TXLNB: variants seen among roughly 807,000 people sequenced by gnomAD.
TXLNB encodes taxilin beta.
TXLNB carries 37 observed loss-of-function variants against 57.4 expected under a neutral mutation model. The ratio of observed to expected loss-of-function variants is 0.64; its 90% CI spans 0.50 to 0.85. TXLNB has a LOEUF of 0.85. TXLNB is among the 40% of genes least tolerant of loss of function. The pLI, the probability that TXLNB is intolerant of heterozygous loss-of-function variation, is 0.00. For missense variants in TXLNB, 848 were observed against 825.6 expected, an observed-to-expected ratio of 1.03 and a Z score of -0.33; for synonymous variants, 302 against 309.6, an observed-to-expected ratio of 0.98 and a Z score of 0.26.
chr6:139,215,159 C>G, the TXLNB span, among the ~76,000 whole-genome samples: 3 of 152,094 alleles, frequency 2.0e-5, no homozygotes, highest in Admixed American at 6.6e-5. Context: ...AAAAAAAGCC[C>G]GCATTGCCAA....
At chr6:139,298,687 G>A in the TXLNB span, among the ~76,000 whole-genome samples, 1 of 152,164 alleles carries the variant, frequency 6.6e-6, no homozygotes. Context: ...GCCAGCAAGA[G>A]GATGTGAAGG....
chr6:139,191,368 G>A, the TXLNB span, among the ~76,000 whole-genome samples: 2 of 152,212 alleles, frequency 1.3e-5, no homozygotes, highest in Non-Finnish European at 2.9e-5. Flanking sequence ...GCGGTGAGCC[G>A]AGATTGCACC....
At chr6:139,283,154 C>T (rs1339642007) in intron 2 of TXLNB, 1 of 144,162 alleles carries the variant, frequency 6.9e-6, no homozygotes, top group Non-Finnish European at 1.5e-5. Context: ...TAAATATTCC[C>T]CCAACTGCTC....
chr6:139,236,560 C>T (rs1040156620), downstream of TXLNB, among the ~76,000 whole-genome samples: 2 of 152,224 alleles, frequency 1.3e-5, no homozygotes, highest in African/African-American at 2.4e-5. Context: ...GCACCTGCTT[C>T]TCCTTTGCCT....
chr6:139,313,656 G>A, the TXLNB span, among the ~76,000 whole-genome samples: 1,867 of 152,154 alleles, frequency 0.012, 50 homozygotes, highest in African/African-American at 0.041. Flanking sequence ...GTTTATGCTG[G>A]GAAGGTAAAT....
rs898775738 is a variant in TXLNB at position 139,262,757 on chromosome 6, C to T, written c.704G>A (p.Arg235Gln). The change falls in exon 5 of 10, where the codon CGG (arginine) becomes CAG (glutamine). Residue 235 changes from arginine to glutamine, a missense_variant. Arg to Gln is a conservative substitution (Grantham distance 43). Coordinates refer to ENST00000358430, the MANE Select transcript of TXLNB (RefSeq NM_153235.4). ...NKTLKEEALQRAREEEEKRKE... is the reference protein window; with the variant it reads ...NKTLKEEALQQAREEEEKRKE... ...CCTTTTCTCTTCTTCCTCACGTGCCCGCTGAAGCGCCTCTTCCTGCGGATA... is the reference window on the plus strand; with the variant it reads ...CCTTTTCTCTTCTTCCTCACGTGCCTGCTGAAGCGCCTCTTCCTGCGGATA... 6 of 1,613,042 alleles carry T rather than the reference C, an allele frequency of 3.7e-6. No individual in the cohort carries two copies. The African/African-American group carries it at 4.0e-5, about 11-fold the overall frequency.
the TXLNB span, chr6:139,166,337 G>A: frequency 6.2e-7 from 1 of 1,613,648 alleles, no homozygotes; most frequent in Non-Finnish European, 8.5e-7. Flanking sequence ...GGTGGACCTG[G>A]AGAAGGACGA....
At chr6:139,296,360 CT>C (rs1198595534), upstream of TXLNB, among the ~76,000 whole-genome samples, 1 of 151,972 alleles carries the variant, frequency 6.6e-6, no homozygotes, top group African/African-American at 2.4e-5. Context: ...TTATTTTCCC[CT>C]GTCTTTTAGT....
At chr6:139,203,460 T>G in the TXLNB span, 1 of 152,220 alleles carries the variant, frequency 6.6e-6, no homozygotes, top group Non-Finnish European at 1.5e-5. Context: ...TGCTTTTCAT[T>G]TCTTAGCTTA....
chr6:139,277,723 TA>T (rs146555512), intron 2 of TXLNB, among the ~76,000 whole-genome samples: 11,065 of 151,126 alleles, frequency 0.073, 1,270 homozygotes, highest in African/African-American at 0.25. Flanking sequence ...TATGCTACAC[TA>T]AAAAAAAATT....
the TXLNB span, among the ~76,000 whole-genome samples, chr6:139,215,453 T>C: frequency 1.3e-5 from 2 of 152,130 alleles, no homozygotes; most frequent in Non-Finnish European, 2.9e-5. Context: ...ATCCCTTCCT[T>C]ACACCTTATA....
chr6:139,176,767 A>C, the TXLNB span, among the ~76,000 whole-genome samples: 3 of 152,172 alleles, frequency 2.0e-5, no homozygotes, highest in Admixed American at 2.0e-4. This position sits in a 1 kb window ranked among gnomAD's most constrained non-coding sequence, Gnocchi z 4.5. Context: ...GCAGTGCTGC[A>C]TATCAGGAGA....
At chr6:139,220,720 G>A in the TXLNB span, among the ~76,000 whole-genome samples, 3 of 152,130 alleles carry the variant, frequency 2.0e-5, no homozygotes, top group African/African-American at 7.2e-5. Flanking sequence ...TACTTGCCCA[G>A]TTTCAACCGT....
chr6:139,276,802 G>T, intron 3 of TXLNB, 28 bp downstream of exon 3: 1 of 1,567,822 alleles, frequency 6.4e-7, no homozygotes, highest in South Asian at 1.1e-5. Flanking sequence ...TAATCGTTCT[G>T]AGAAAAGAAG....
At chr6:139,200,149 C>G in the TXLNB span, 1 of 152,356 alleles carries the variant, frequency 6.6e-6, no homozygotes, top group Non-Finnish European at 1.5e-5. Flanking sequence ...AGCTTTTCCT[C>G]AGGCTCCCTG....
At chr6:139,209,580 G>T in the TXLNB span, among the ~76,000 whole-genome samples, 7 of 152,090 alleles carry the variant, frequency 4.6e-5, no homozygotes, top group African/African-American at 1.4e-4. Context: ...ATAGCCAACT[G>T]ATCTTTGACA....
chr6:139,247,722 C>T, intron 8 of TXLNB, 95 bp downstream of exon 8: 2 of 864,364 alleles, frequency 2.3e-6, no homozygotes, highest in Non-Finnish European at 3.6e-6. Context: ...GTGAAATGCA[C>T]CAAAATATCT....
At chr6:139,209,624 C>G in the TXLNB span, among the ~76,000 whole-genome samples, 6 of 152,108 alleles carry the variant, frequency 3.9e-5, no homozygotes, top group Admixed American at 6.6e-5. Context: ...GGAAAGGATA[C>G]CCTATTCAAT....
downstream of TXLNB, among the ~76,000 whole-genome samples, chr6:139,239,849 C>G (rs57220403): frequency 2.5e-3 from 348 of 141,642 alleles, 1 homozygote; most frequent in African/African-American, 0.011. This position sits in a 1 kb window ranked among gnomAD's most constrained non-coding sequence, Gnocchi z 4.7. Flanking sequence ...CTTTCTCTCT[C>G]TGTCTCTCTC....
Sources: gnomAD v4.1 joint callset for allele counts (sites outside exome capture counted in the v4.1 genomes callset) on GRCh38, gnomAD v4.1.1 for gene constraint, Gnocchi (gnomAD v3.1) non-coding constraint, MANE v1.5 for transcripts, NCBI Gene and HGNC (gene_info 2026-07-23, HGNC 2026-07-21) for gene names.